The following UBAP2L variants were observed in gnomAD, a reference collection of about 807,000 sequenced individuals.
The protein encoded by UBAP2L is ubiquitin-associated protein 2-like.
UBAP2L carries 12 observed loss-of-function variants against 130.6 expected under a neutral mutation model. The observed-to-expected ratio is 0.09, with a 90% CI of 0.06 to 0.15. The LOEUF is 0.15. Among genes scored for constraint, UBAP2L ranks in the 10% least tolerant of loss-of-function variants. UBAP2L has a pLI of 1.00. For missense variants in UBAP2L, 965 were observed against 1,332.5 expected (o/e 0.72, Z 4.29); for synonymous variants, 503 against 524.7 (o/e 0.96, Z 0.57).
rs1364444561 is a variant in UBAP2L at position 154,261,603 on chromosome 1, C to T, written c.2808C>T (p.Thr936=). Residue 936 remains threonine (T), a synonymous_variant, in exon 24 of 27, where the codon ACC becomes ACT. Transcript: ENST00000428931. The part of the protein sequence containing the change: ...YGPAVFPVAP[T]SSKQHGVNVS... ...TTTTTGCTCTTTAGGTGGCTCCTACCTCTTCCAAGCAGCATGGTGTGAATG... is the reference window on the plus strand; with the variant it reads ...TTTTTGCTCTTTAGGTGGCTCCTACTTCTTCCAAGCAGCATGGTGTGAATG... The T allele has an allele frequency of 6.2e-7, 1 of 1,614,024 alleles. No individual in the cohort carries two copies. Among genetic ancestry groups the T allele is most frequent in the Non-Finnish European group, 8.5e-7 (1 of 1,180,044 alleles).
At chr1:154,244,988 G>A (rs1472054195) in intron 10 of UBAP2L, among the ~76,000 whole-genome samples, 3 of 152,114 alleles carry the variant, frequency 2.0e-5, no homozygotes, top group Non-Finnish European at 1.5e-5. Flanking sequence ...CTGGAGGGCA[G>A]TGGCACAATC....
At chr1:154,246,987 T>G (rs1260884887) in intron 11 of UBAP2L, among the ~76,000 whole-genome samples, 2 of 152,230 alleles carry the variant, frequency 1.3e-5, no homozygotes, top group African/African-American at 4.8e-5. Context: ...TCAGAGCATT[T>G]AAAACATCCA....
chr1:154,238,199 C>A (rs913157399), intron 8 of UBAP2L, among the ~76,000 whole-genome samples: 2 of 152,262 alleles, frequency 1.3e-5, no homozygotes, highest in East Asian at 3.9e-4. Context: ...AAGTTGCTAT[C>A]TTATAAATTC....
intron 15 of UBAP2L, chr1:154,254,517 T>TC: frequency 2.1e-6 from 1 of 475,468 alleles, no homozygotes. Flanking sequence ...TACTTACCCT[T>TC]CCCCAAAAAT....
chr1:154,262,983 T>G, intron 24 of UBAP2L: 1 of 923,872 alleles, frequency 1.1e-6, no homozygotes, highest in Non-Finnish European at 1.6e-6. Context: ...TCCCACCTTC[T>G]TGCCTCCCTT....
chr1:154,220,415 C>T, upstream of UBAP2L: 3 of 1,614,212 alleles, frequency 1.9e-6, no homozygotes, highest in Non-Finnish European at 2.5e-6. Flanking sequence ...CATGGCCTCC[C>T]TACCTCGCGC....
chr1:154,253,651 C>A (rs1203126431), intron 14 of UBAP2L, among the ~76,000 whole-genome samples: 3 of 152,130 alleles, frequency 2.0e-5, no homozygotes, highest in Non-Finnish European at 4.4e-5. Flanking sequence ...GGATTACAGG[C>A]GTGAGCCACT....
chr1:154,239,015 A>G (rs1168998392), intron 8 of UBAP2L, among the ~76,000 whole-genome samples: 2 of 152,206 alleles, frequency 1.3e-5, no homozygotes, highest in Non-Finnish European at 2.9e-5. Context: ...TGCTGGGATT[A>G]CAGGTGTGAG....
chr1:154,246,422 C>G, intron 11 of UBAP2L, 47 bp downstream of exon 11: 2 of 1,575,618 alleles, frequency 1.3e-6, no homozygotes, highest in Non-Finnish European at 1.7e-6. Flanking sequence ...CCTGCTAATC[C>G]TAGCACACAT....
intron 11 of UBAP2L, among the ~76,000 whole-genome samples, chr1:154,247,092 T>C (rs2148824373): frequency 6.6e-6 from 1 of 152,302 alleles, no homozygotes; most frequent in Admixed American, 6.5e-5. Context: ...GAAGTACTGC[T>C]TTTTCTTTTT....
At chr1:154,269,785 T>C in intron 26 of UBAP2L, 1 of 220,320 alleles carries the variant, frequency 4.5e-6, no homozygotes, top group East Asian at 1.3e-4. Context: ...AGCTCCATTA[T>C]AGGTGGCTGG....
At chr1:154,261,234 G>GTT (rs1186949510) in intron 23 of UBAP2L, 125 bp downstream of exon 23, 1 of 1,153,822 alleles carries the variant, frequency 8.7e-7, no homozygotes, top group East Asian at 2.6e-5. Flanking sequence ...CCTCTGGCCT[G>GTT]TTTTTGGCCT....
chr1:154,238,221 A>G (rs1045714665), intron 8 of UBAP2L, among the ~76,000 whole-genome samples: 1 of 152,102 alleles, frequency 6.6e-6, no homozygotes, highest in Non-Finnish European at 1.5e-5. Flanking sequence ...TTTTTAACAC[A>G]TTTCATGGGT....
Position 154,255,770 on chromosome 1 carries a change from G to T in UBAP2L, c.2157+15G>T. On this transcript the variant is annotated intron_variant, in intron 18 of 26. Coordinates refer to ENST00000428931, the MANE Select transcript of UBAP2L (RefSeq NM_014847.4). ...CCACTCTTTTGGTAAGTGTGATGCT[G>T]AGAGGGATGTGTGGTTTTCTTACAC... is the stretch of plus-strand genomic sequence containing the variant. 2 of 1,613,546 alleles carry T rather than the reference G, an allele frequency of 1.2e-6. No individual in the cohort carries two copies. The highest frequency in any genetic ancestry group is 1.7e-6 in the Non-Finnish European group (2 of 1,179,534).
intron 8 of UBAP2L, among the ~76,000 whole-genome samples, chr1:154,241,065 G>T (rs1368641987): frequency 2.0e-5 from 3 of 149,494 alleles, no homozygotes; most frequent in African/African-American, 7.6e-5. Context: ...TGAAGCCCAA[G>T]AATTTCTTTT....
At chr1:154,253,422 T>C (rs567040029) in intron 14 of UBAP2L, among the ~76,000 whole-genome samples, 125 of 150,082 alleles carry the variant, frequency 8.3e-4, no homozygotes, top group African/African-American at 3.1e-3. Flanking sequence ...TCTCGCTCTG[T>C]CACCCAGGCT....
At chr1:154,259,491 C>CA (rs1553279151) in intron 21 of UBAP2L, among the ~76,000 whole-genome samples, 4 of 149,744 alleles carry the variant, frequency 2.7e-5, no homozygotes, top group Middle Eastern at 3.5e-3. Context: ...CGCACCCAGC[C>CA]TTTTTTTTTT....
At chr1:154,223,522 CATT>C (rs1336344345) in intron 1 of UBAP2L, among the ~76,000 whole-genome samples, 1 of 85,014 alleles carries the variant, frequency 1.2e-5, no homozygotes, top group Non-Finnish European at 2.1e-5. Flanking sequence ...CTTGGTTAAA[CATT>C]TTTTTTTTTT....
Position 154,228,680 on chromosome 1 carries a change from T to C in UBAP2L, c.234T>C (p.Asp78=), listed in dbSNP as rs1324031117. The change falls in exon 4 of 27, where the codon GAT becomes GAC. Residue 78 remains aspartate (D), a synonymous_variant. Transcript: ENST00000428931. ...CVIALHDCNG[D]VNRAINVLLE... ...TTGCTTTGCATGACTGCAATGGAGA[T>C]GTCAACAGAGCTATCAATGTTCTTC... is the stretch of plus-strand genomic sequence containing the variant. The C allele has an allele frequency of 6.2e-6, 10 of 1,613,558 alleles. No individual in the cohort carries two copies. Among genetic ancestry groups the C allele is most frequent in the African/African-American group, 1.3e-5 (1 of 74,922 alleles).
Sources: gnomAD v4.1 joint callset for allele counts (sites outside exome capture counted in the v4.1 genomes callset) on GRCh38, gnomAD v4.1.1 for gene constraint, MANE v1.5 for transcripts, NCBI Gene and HGNC (gene_info 2026-07-23, HGNC 2026-07-21) for gene names.